CHST11: variants seen among roughly 807,000 people sequenced by gnomAD.
CHST11 encodes carbohydrate sulfotransferase 11.
CHST11 carries 9 observed loss-of-function variants against 30.4 expected under a neutral mutation model. That is an observed-to-expected ratio of 0.30 (90% confidence interval 0.18 to 0.52). CHST11 has a LOEUF of 0.52. CHST11 is among the 20% of genes least tolerant of loss of function. CHST11 has a pLI of 0.97. For missense variants in CHST11, 348 were observed against 460.6 expected, an observed-to-expected ratio of 0.76 and a Z score of 2.24; for synonymous variants, 152 against 187.8, an observed-to-expected ratio of 0.81 and a Z score of 1.56.
intron 1 of CHST11, among the ~76,000 whole-genome samples, chr12:104,533,059 C>G (rs554961060): frequency 1.3e-5 from 2 of 152,180 alleles, no homozygotes; most frequent in African/African-American, 4.8e-5. Flanking sequence ...TACAGGCACG[C>G]ACCACCATGT....
chr12:104,702,922 T>G (rs2040001763), intron 2 of CHST11, among the ~76,000 whole-genome samples: 1 of 152,172 alleles, frequency 6.6e-6, no homozygotes. Context: ...CAAGTCCTCC[T>G]CATGCCTTAG....
At chr12:104,709,527 G>T (rs1195845829) in intron 2 of CHST11, among the ~76,000 whole-genome samples, 2 of 152,192 alleles carry the variant, frequency 1.3e-5, no homozygotes, top group Non-Finnish European at 2.9e-5. Context: ...TTGTGCAAAT[G>T]AAAGAGTTGA....
intron 1 of CHST11, among the ~76,000 whole-genome samples, chr12:104,557,849 C>G (rs1171332202): frequency 6.6e-6 from 1 of 152,144 alleles, no homozygotes; most frequent in Admixed American, 6.5e-5. Flanking sequence ...CTGTGATTCT[C>G]AACCAGTGTG....
At chr12:104,637,332 A>G in intron 2 of CHST11, among the ~76,000 whole-genome samples, 1 of 65,448 alleles carries the variant, frequency 1.5e-5, no homozygotes. Flanking sequence ...AAAAAAAAAA[A>G]AAAGGGGGTT....
intron 2 of CHST11, among the ~76,000 whole-genome samples, chr12:104,675,022 AAGG>A (rs2039728073): frequency 6.6e-6 from 1 of 152,202 alleles, no homozygotes; most frequent in South Asian, 2.1e-4. Flanking sequence ...TTTCCGAAGA[AAGG>A]TACTGCGTAA....
chr12:104,519,071 G>GAT (rs1555229564), intron 1 of CHST11, among the ~76,000 whole-genome samples: 1 of 139,570 alleles, frequency 7.2e-6, no homozygotes, highest in African/African-American at 2.7e-5. Flanking sequence ...GGACTCTTGA[G>GAT]GTGTGTGTGT....
intron 2 of CHST11, among the ~76,000 whole-genome samples, chr12:104,750,862 A>G (rs1186826731): frequency 6.6e-6 from 1 of 152,234 alleles, no homozygotes; most frequent in African/African-American, 2.4e-5. Flanking sequence ...AAATTAAAAA[A>G]TTATAAAAAC....
intron 2 of CHST11, among the ~76,000 whole-genome samples, chr12:104,697,831 C>A (rs544319933): frequency 6.6e-6 from 1 of 152,308 alleles, no homozygotes; most frequent in South Asian, 2.1e-4. Context: ...CTCAGGAGCA[C>A]TTTTCTTTTC....
rs766638175 is a variant in CHST11 at position 104,602,047 on chromosome 12, A to G, written c.204+56A>G. ...ATTTTTTTTTTTTGTAGGTATGGATACTAAAAACTCTAAAATTGTGGTCTT... is the reference window on the plus strand; with the variant it reads ...ATTTTTTTTTTTTGTAGGTATGGATGCTAAAAACTCTAAAATTGTGGTCTT... On this transcript the variant is annotated intron_variant, in intron 2 of 2. Coordinates refer to ENST00000303694, the MANE Select transcript of CHST11 (RefSeq NM_018413.6). The G allele has an allele frequency of 7.2e-6, 9 of 1,258,190 alleles. No individual in the cohort carries two copies. The Admixed American group carries it at 1.7e-4, about 23-fold the overall frequency. 77.9% of individuals were successfully genotyped at this position (1,258,190 alleles called of 1,614,324 possible).
chr12:104,699,891 C>T (rs1238765727), intron 2 of CHST11, among the ~76,000 whole-genome samples: 1 of 152,118 alleles, frequency 6.6e-6, no homozygotes, highest in African/African-American at 2.4e-5. Context: ...CTCCTGGGAG[C>T]CCTCGATAAT....
chr12:104,596,745 T>G (rs2038910348), intron 1 of CHST11, among the ~76,000 whole-genome samples: 1 of 152,224 alleles, frequency 6.6e-6, no homozygotes, highest in South Asian at 2.1e-4. Context: ...GAGCATTGTG[T>G]CAGGCATCAG....
At chr12:104,663,871 TCATCCATC>T (rs767268137) in intron 2 of CHST11, among the ~76,000 whole-genome samples, 2 of 152,102 alleles carry the variant, frequency 1.3e-5, no homozygotes, top group African/African-American at 4.8e-5. Context: ...ATCCATCTGT[TCATCCATC>T]CATCCATCCA....
chr12:104,534,272 T>TCTA (rs796400869), intron 1 of CHST11, among the ~76,000 whole-genome samples: 15 of 152,322 alleles, frequency 9.8e-5, no homozygotes, highest in African/African-American at 3.1e-4. Flanking sequence ...TATCAAGGAC[T>TCTA]CTACCCCTCA....
chr12:104,653,620 C>G (rs1427459869), intron 2 of CHST11, among the ~76,000 whole-genome samples: 1 of 152,186 alleles, frequency 6.6e-6, no homozygotes, highest in Non-Finnish European at 1.5e-5. Context: ...ATACAACAGC[C>G]CATGTTTACT....
At position 104,680,430 on chromosome 12, in the gene CHST11, G is replaced by A. The variant is rs369622745; in HGVS notation, c.205-76519G>A. Among the ~76,000 whole-genome samples, 282 of 152,340 alleles carry A rather than the reference G, an allele frequency of 1.9e-3. 2 individuals are homozygous for A. The highest frequency in any genetic ancestry group is 6.0e-3 in the African/African-American group (251 of 41,564). On this transcript the variant is annotated intron_variant, in intron 2 of 2. Transcript: ENST00000303694. ...AGGAAACCCTGATGAATGTGGGGAT[G>A]GGGACGGACATGTGGCCAGGCAGGC...
chr12:104,635,084 TCCTGCCC>T (rs5800629), intron 2 of CHST11, among the ~76,000 whole-genome samples: 45,034 of 151,656 alleles, frequency 0.3, 7,336 homozygotes, highest in East Asian at 0.41. Flanking sequence ...TGGAGTCCTG[TCCTGCCC>T]CCGTACCCAG....
At chr12:104,672,805 G>T (rs1036663053) in intron 2 of CHST11, among the ~76,000 whole-genome samples, 2 of 152,108 alleles carry the variant, frequency 1.3e-5, no homozygotes, top group African/African-American at 4.8e-5. Context: ...CATGCCTCCC[G>T]CATGGCACCT....
At chr12:104,754,392 G>A (rs949944888) in intron 2 of CHST11, among the ~76,000 whole-genome samples, 3 of 152,146 alleles carry the variant, frequency 2.0e-5, no homozygotes, top group South Asian at 4.1e-4. Flanking sequence ...TCTCACCTGG[G>A]ATCATTCACA....
intron 1 of CHST11, among the ~76,000 whole-genome samples, chr12:104,587,745 G>A (rs2038818352): frequency 6.6e-6 from 1 of 151,222 alleles, no homozygotes; most frequent in South Asian, 2.1e-4. Flanking sequence ...TAGAAATATG[G>A]TGAATCTTAA....
Sources: gnomAD v4.1 joint callset for allele counts (sites outside exome capture counted in the v4.1 genomes callset) on GRCh38, gnomAD v4.1.1 for gene constraint, MANE v1.5 for transcripts, NCBI Gene and HGNC (gene_info 2026-07-23, HGNC 2026-07-21) for gene names.